The following UBE2E2 variants were observed in gnomAD, a reference collection of about 807,000 sequenced individuals.
The protein encoded by UBE2E2 is ubiquitin conjugating enzyme E2 E2, also known as ubiquitin-conjugating enzyme E2 E2.
A neutral mutation model predicts 24.7 loss-of-function variants in UBE2E2; 6 were observed. The ratio of observed to expected loss-of-function variants is 0.24; its 90% CI spans 0.13 to 0.48. The LOEUF (loss-of-function observed/expected upper bound fraction) is 0.48. Ranked by LOEUF, UBE2E2 falls within the 20% of genes least tolerant of loss-of-function variation. The probability of loss-of-function intolerance (pLI) is 0.99; values close to 1 mark genes in which losing one functional copy is unlikely to be tolerated. For synonymous variants in UBE2E2, 104 were observed against 83.6 expected (o/e 1.24, Z -1.33); for missense variants, 169 against 245.0 (o/e 0.69, Z 2.07).
At chr3:23,520,888 G>A (rs1182549211) in intron 4 of UBE2E2, among the ~76,000 whole-genome samples, 1 of 151,988 alleles carries the variant, frequency 6.6e-6, no homozygotes, top group East Asian at 1.9e-4. Context: ...AGTGATCCCT[G>A]CTCCTCAGCC....
intron 5 of UBE2E2, among the ~76,000 whole-genome samples, chr3:23,551,030 G>A (rs1695630991): frequency 6.6e-6 from 1 of 152,180 alleles, no homozygotes; most frequent in South Asian, 2.1e-4. Flanking sequence ...TTAAAAGCAA[G>A]TTTTGAAAGT....
chr3:23,329,584 T>C (rs561954963), intron 3 of UBE2E2, among the ~76,000 whole-genome samples: 5 of 152,252 alleles, frequency 3.3e-5, no homozygotes, highest in Non-Finnish European at 5.9e-5. Context: ...TCCATTGGTA[T>C]GCAAGCTAAT....
chr3:23,508,859 A>G (rs1694518976), intron 4 of UBE2E2, among the ~76,000 whole-genome samples: 1 of 152,208 alleles, frequency 6.6e-6, no homozygotes, highest in Admixed American at 6.5e-5. Context: ...GGGGAGACTG[A>G]AGTGAGACAT....
chr3:23,561,097 C>G (rs941946538), intron 5 of UBE2E2, among the ~76,000 whole-genome samples: 1 of 152,116 alleles, frequency 6.6e-6, no homozygotes, highest in Non-Finnish European at 1.5e-5. Flanking sequence ...TCAATTTTGG[C>G]TTTTGTTGCC....
chr3:23,237,163 G>T (rs1319572807), intron 3 of UBE2E2, among the ~76,000 whole-genome samples: 1 of 152,120 alleles, frequency 6.6e-6, no homozygotes, highest in Admixed American at 6.5e-5. Flanking sequence ...TACATGTAAA[G>T]CACTCAGAGT....
At chr3:23,374,732 C>A (rs1447549036) in intron 3 of UBE2E2, among the ~76,000 whole-genome samples, 1 of 152,202 alleles carries the variant, frequency 6.6e-6, no homozygotes, top group Admixed American at 6.5e-5. Flanking sequence ...CAAGAAGAAA[C>A]TTACTGCCTC....
intron 3 of UBE2E2, chr3:23,450,038 G>A (rs1698527805): frequency 1.9e-6 from 1 of 523,960 alleles, no homozygotes; most frequent in East Asian, 1.5e-4. Context: ...TCATTTATTG[G>A]TGGCCATTTG....
At chr3:23,581,900 T>G (rs958744283) in intron 5 of UBE2E2, among the ~76,000 whole-genome samples, 1 of 152,218 alleles carries the variant, frequency 6.6e-6, no homozygotes, top group Admixed American at 6.5e-5. Context: ...TAGCTGCTGC[T>G]TATCCCTTTT....
intron 3 of UBE2E2, among the ~76,000 whole-genome samples, chr3:23,330,555 T>G (rs1192992488): frequency 6.6e-6 from 1 of 152,210 alleles, no homozygotes; most frequent in African/African-American, 2.4e-5. Context: ...AGGAATGATT[T>G]GGGTGTCCCC....
chr3:23,234,443 G>C (rs967260729), intron 3 of UBE2E2, among the ~76,000 whole-genome samples: 14 of 152,162 alleles, frequency 9.2e-5, no homozygotes, highest in African/African-American at 2.2e-4. Flanking sequence ...TTGACCTTCA[G>C]CTCCTCCATG....
intron 3 of UBE2E2, among the ~76,000 whole-genome samples, chr3:23,393,585 GT>G (rs1449732990): frequency 6.6e-6 from 1 of 152,330 alleles, no homozygotes; most frequent in Non-Finnish European, 1.5e-5. Flanking sequence ...GAGAACCACT[GT>G]TTTAGAGGCA....
intron 3 of UBE2E2, among the ~76,000 whole-genome samples, chr3:23,467,002 T>C (rs1007149659): frequency 6.6e-6 from 1 of 152,230 alleles, no homozygotes; most frequent in Non-Finnish European, 1.5e-5. Flanking sequence ...ATTATTTTTC[T>C]TGGTAGTTTA....
At chr3:23,251,109 T>C (rs9854590) in intron 3 of UBE2E2, among the ~76,000 whole-genome samples, 93,645 of 152,066 alleles carry the variant, frequency 0.62, 29,393 homozygotes, top group South Asian at 0.68. Context: ...CCCACCTCTG[T>C]CTCCCAAAGC....
At chr3:23,488,375 C>A (rs867607174) in intron 3 of UBE2E2, among the ~76,000 whole-genome samples, 2 of 152,066 alleles carry the variant, frequency 1.3e-5, no homozygotes, top group Non-Finnish European at 1.5e-5. Flanking sequence ...ACCGCCCCGC[C>A]GACAGGCCCC....
chr3:23,241,179 C>T (rs1302311957), intron 3 of UBE2E2, among the ~76,000 whole-genome samples: 6 of 152,084 alleles, frequency 3.9e-5, no homozygotes, highest in African/African-American at 1.4e-4. Context: ...TCTCACTCTA[C>T]GTTCATTCTG....
At chr3:23,203,907 G>A (rs1194543046) in intron 1 of UBE2E2, among the ~76,000 whole-genome samples, 1 of 151,998 alleles carries the variant, frequency 6.6e-6, no homozygotes, top group Non-Finnish European at 1.5e-5. Flanking sequence ...TGTGTCTCCT[G>A]GCGAGTGCCG....
chr3:23,362,363 G>C (rs1696140606), intron 3 of UBE2E2, among the ~76,000 whole-genome samples: 1 of 152,136 alleles, frequency 6.6e-6, no homozygotes, highest in South Asian at 2.1e-4. Flanking sequence ...TTGTGTGGGG[G>C]CAACTCTCGA....
At chr3:23,427,685 A>G (rs547606845) in intron 3 of UBE2E2, among the ~76,000 whole-genome samples, 1 of 152,348 alleles carries the variant, frequency 6.6e-6, no homozygotes, top group South Asian at 2.1e-4. Context: ...TACTTTAAAT[A>G]TTAAAACACA....
intron 3 of UBE2E2, among the ~76,000 whole-genome samples, chr3:23,296,298 T>G (rs977375642): frequency 1.3e-5 from 2 of 152,216 alleles, no homozygotes; most frequent in South Asian, 2.1e-4. Context: ...CTTTAGTGTT[T>G]CTTTTTTCTT....
Sources: gnomAD v4.1 joint callset for allele counts (sites outside exome capture counted in the v4.1 genomes callset) on GRCh38, gnomAD v4.1.1 for gene constraint, MANE v1.5 for transcripts, NCBI Gene and HGNC (gene_info 2026-07-23, HGNC 2026-07-21) for gene names.